Variants in CDH23 observed in about 807,000 individuals in gnomAD.
CDH23 encodes cadherin related 23.
In CDH23, 189 loss-of-function variants were observed where a neutral mutation model predicts 317.1. That is an observed-to-expected ratio of 0.60 (90% CI 0.53 to 0.67). The LOEUF is 0.67. Among genes scored for constraint, CDH23 ranks in the 30% least tolerant of loss-of-function variants. The probability of loss-of-function intolerance (pLI) is 0.00; values close to 1 mark genes in which losing one functional copy is unlikely to be tolerated. For synonymous variants in CDH23, 1,839 were observed against 1,876.8 expected, an observed-to-expected ratio of 0.98 and a Z score of 0.52; for missense variants, 4,401 against 4,592.4, an observed-to-expected ratio of 0.96 and a Z score of 1.20.
intron 1 of CDH23, among the ~76,000 whole-genome samples, chr10:71,402,843 G>T (rs183916681): frequency 1.6e-4 from 24 of 152,278 alleles, no homozygotes; most frequent in African/African-American, 4.3e-4. Flanking sequence ...CTGGCCAGGC[G>T]TGGTGGCTCA....
intron 9 of CDH23, among the ~76,000 whole-genome samples, chr10:71,612,273 G>C (rs1437304256): frequency 6.6e-6 from 1 of 151,788 alleles, no homozygotes; most frequent in Non-Finnish European, 1.5e-5. Flanking sequence ...TCTTGAGTTT[G>C]GTTGAATGTG....
intron 4 of CDH23, among the ~76,000 whole-genome samples, 173 bp from the exon 5 acceptor site, chr10:71,510,781 C>G (rs549812730): frequency 6.6e-6 from 1 of 152,242 alleles, no homozygotes; most frequent in Middle Eastern, 3.4e-3. Flanking sequence ...ATATTCCACA[C>G]CTGCTTCCCC....
chr10:71,809,396 C>T (rs1841843819), intron 60 of CDH23, among the ~76,000 whole-genome samples: 1 of 152,044 alleles, frequency 6.6e-6, no homozygotes. Context: ...CCAGGCTAGT[C>T]TCAAACTCCT....
intron 66 of CDH23, 55 bp from the exon 67 acceptor site, chr10:71,812,425 A>G (rs746433309): frequency 4.2e-5 from 67 of 1,610,594 alleles, no homozygotes; most frequent in Non-Finnish European, 5.5e-5. Context: ...CTGGAAGGGC[A>G]CCTGTCTACT....
intron 14 of CDH23, among the ~76,000 whole-genome samples, chr10:71,656,383 C>T (rs770667056): frequency 4.6e-5 from 7 of 152,190 alleles, no homozygotes; most frequent in Non-Finnish European, 1.0e-4. Flanking sequence ...ATCGTCTGCT[C>T]TCCTCCTTCC....
chr10:71,755,192 T>G (rs1176492662), intron 38 of CDH23: 1 of 735,030 alleles, frequency 1.4e-6, no homozygotes, highest in Non-Finnish European at 2.3e-6. Context: ...GCCTCCTTTC[T>G]CTCGGCCATT....
rs779567999 is a variant in CDH23, at chr10:71,815,275, G to A, written c.10062G>A (p.Leu3354=). 5 of 1,559,362 alleles carry A rather than the reference G, an allele frequency of 3.2e-6. No individual in the cohort carries two copies. Among genetic ancestry groups the A allele is most frequent in the African/African-American group, 1.4e-5 (1 of 73,884 alleles). The stretch of plus-strand genomic sequence containing the variant: ...AGACCCCCCTGGAGATCACAGAGCT[G>A]TGACTAGACAGGGAAGCCTTGTGGG... ...IMETPLEITE[L] is the part of the protein sequence containing the mutation. The change falls in exon 70 of 70, where the codon CTG becomes CTA. Residue 3354 remains leucine, a synonymous_variant. Coordinates refer to ENST00000224721, the MANE Select transcript of CDH23 (RefSeq NM_022124.6).
At chr10:71,440,373 T>C (rs1013191650) in intron 2 of CDH23, among the ~76,000 whole-genome samples, 3 of 152,166 alleles carry the variant, frequency 2.0e-5, no homozygotes, top group Non-Finnish European at 4.4e-5. Context: ...TTTCCTATAC[T>C]GCAGGGTGAA....
intron 21 of CDH23, among the ~76,000 whole-genome samples, chr10:71,695,033 C>T (rs1865326961): frequency 6.6e-6 from 1 of 152,180 alleles, no homozygotes; most frequent in South Asian, 2.1e-4. Flanking sequence ...TACCTGGTGG[C>T]AGGTGAGCAG....
chr10:71,479,741 C>G (rs950560625), intron 3 of CDH23, among the ~76,000 whole-genome samples: 2 of 151,794 alleles, frequency 1.3e-5, no homozygotes, highest in African/African-American at 2.4e-5. Flanking sequence ...GGAAACCAAG[C>G]TGGGGTGATG....
At chr10:71,524,503 T>C (rs539126138) in intron 6 of CDH23, among the ~76,000 whole-genome samples, 2 of 152,284 alleles carry the variant, frequency 1.3e-5, no homozygotes, top group South Asian at 4.1e-4. Context: ...GATGCCTTGC[T>C]CAGGGCTACT....
chr10:71,784,813 G>C, intron 42 of CDH23, 78 bp from the exon 43 acceptor site: 1 of 1,199,070 alleles, frequency 8.3e-7, no homozygotes, highest in Non-Finnish European at 1.2e-6. Flanking sequence ...GCCGCCCTTG[G>C]CGAACCTCCT....
At chr10:71,690,439 C>A (rs750384574) in intron 19 of CDH23, 29 bp from the exon 20 acceptor site, 1 of 1,522,576 alleles carries the variant, frequency 6.6e-7, no homozygotes, top group South Asian at 1.2e-5. Flanking sequence ...TGAGCAGCAC[C>A]CCCTGCCCCC....
intron 9 of CDH23, among the ~76,000 whole-genome samples, chr10:71,593,432 G>A (rs541058925): frequency 5.3e-5 from 8 of 152,276 alleles, no homozygotes; most frequent in South Asian, 2.1e-4. Flanking sequence ...AGGACTTCTC[G>A]GCACCCCCGG....
chr10:71,698,519 C>G (rs887050841), intron 22 of CDH23, among the ~76,000 whole-genome samples: 13 of 151,952 alleles, frequency 8.6e-5, no homozygotes, highest in African/African-American at 2.7e-4. Flanking sequence ...CTTCCCACAC[C>G]CACCGCACAC....
intron 57 of CDH23, among the ~76,000 whole-genome samples, chr10:71,806,940 T>C (rs749958685): frequency 1.3e-5 from 2 of 152,168 alleles, no homozygotes; most frequent in Non-Finnish European, 2.9e-5. Flanking sequence ...AACTCTGACA[T>C]GGTTGTTTTT....
At chr10:71,399,949 T>A (rs1445108177) in intron 1 of CDH23, among the ~76,000 whole-genome samples, 1 of 151,884 alleles carries the variant, frequency 6.6e-6, no homozygotes, top group East Asian at 1.9e-4. Context: ...CATCTGCCCC[T>A]CCCAGATGGG....
intron 61 of CDH23, 124 bp downstream of exon 61, chr10:71,810,200 G>C: frequency 1.7e-6 from 2 of 1,192,650 alleles, no homozygotes; most frequent in Non-Finnish European, 2.4e-6. Flanking sequence ...TCCCTACTTA[G>C]TCATTTCCTA....
chr10:71,593,013 A>G (rs1859599364), intron 9 of CDH23, among the ~76,000 whole-genome samples: 1 of 152,156 alleles, frequency 6.6e-6, no homozygotes, highest in Non-Finnish European at 1.5e-5. Context: ...AGTGTCCACC[A>G]CAAGCCGTGG....
Sources: gnomAD v4.1 joint callset for allele counts (sites outside exome capture counted in the v4.1 genomes callset) on GRCh38, gnomAD v4.1.1 for gene constraint, MANE v1.5 for transcripts, NCBI Gene and HGNC (gene_info 2026-07-23, HGNC 2026-07-21) for gene names.